Variants in MAP4 observed in about 807,000 individuals in gnomAD.
The protein encoded by MAP4 is microtubule associated protein 4, also known as microtubule-associated protein 4.
In MAP4, 76 loss-of-function variants were observed where a neutral mutation model predicts 170.2. The ratio of observed to expected loss-of-function variants is 0.45; its 90% CI spans 0.37 to 0.54. The LOEUF is 0.54. Ranked by LOEUF, MAP4 falls within the 20% of genes least tolerant of loss-of-function variation. The probability of loss-of-function intolerance (pLI) is 0.00; values close to 1 mark genes in which losing one functional copy is unlikely to be tolerated. For synonymous variants in MAP4, 909 were observed against 994.5 expected (o/e 0.91, Z 1.62); for missense variants, 2,506 against 2,748.0 (o/e 0.91, Z 1.97).
In MAP4 at chr3:47,875,961, C is replaced by A. The variant is rs1246605938; in HGVS notation, c.5542-61G>T. The A allele has an allele frequency of 2.7e-5, 33 of 1,216,822 alleles. No homozygotes were observed. The Admixed American group carries it at 3.4e-4, about 13-fold the overall frequency. 75.4% of individuals were successfully genotyped at this position (1,216,822 alleles called of 1,614,324 possible). On this transcript the variant is annotated intron_variant, in intron 11 of 20. Transcript: ENST00000683076. ...TTTTTAAAGGGCAACATCAAACAGA[C>A]AAGAATAAAAACAAATTAAAAAAAG...
intron 3 of MAP4, among the ~76,000 whole-genome samples, chr3:47,928,964 T>C (rs1228895610): frequency 6.6e-6 from 1 of 152,138 alleles, no homozygotes; most frequent in Non-Finnish European, 1.5e-5. Context: ...TTCCATAATT[T>C]ATATAAAAAT....
upstream of MAP4, among the ~76,000 whole-genome samples, chr3:48,019,894 A>T (rs1254506634): frequency 1.3e-5 from 2 of 152,206 alleles, no homozygotes; most frequent in African/African-American, 4.8e-5. Flanking sequence ...ATAGATAACA[A>T]AAGAAAAACT....
chr3:47,853,006 C>T (rs199693392), intron 20 of MAP4, 68 bp from the exon 21 acceptor site: 149 of 1,614,044 alleles, frequency 9.2e-5, no homozygotes, highest in Non-Finnish European at 1.2e-4. Context: ...ACGGGGGAGA[C>T]GGAAGACGAG....
chr3:47,897,785 A>AT (rs1369684199), intron 10 of MAP4, among the ~76,000 whole-genome samples: 7 of 151,710 alleles, frequency 4.6e-5, no homozygotes, highest in African/African-American at 1.7e-4. Context: ...AAAAAAAGAT[A>AT]CAAAAAATTA....
intron 12 of MAP4, among the ~76,000 whole-genome samples, chr3:47,873,730 T>C (rs977171803): frequency 8.5e-5 from 13 of 152,258 alleles, no homozygotes; most frequent in African/African-American, 3.1e-4. Context: ...AGATGCTCTC[T>C]GGGATGTGCA....
At chr3:47,870,031 C>T (rs4858867) in intron 15 of MAP4, among the ~76,000 whole-genome samples, 7,863 of 152,206 alleles carry the variant, frequency 0.052, 391 homozygotes, top group East Asian at 0.14. Flanking sequence ...TTCTTAACAG[C>T]TCCAGATTAA....
chr3:48,074,676 T>TTGTGTGTGTGTGTG lies in MAP4; in HGVS notation c.-20+14083_-20+14096dup, dbSNP rs555691222. On this transcript the variant is annotated intron_variant, in intron 1 of 18. Coordinates refer to the MAP4 transcript ENST00000360240. ...GGGGCAAGCCACCACATCCAGCTAA[T>TTGTGTGTGTGTGTG]TGTGTGTGTGTGTGTGTGTGTGTGT... Among the ~76,000 whole-genome samples, 862 of 90,522 alleles carry TTGTGTGTGTGTGTG rather than the reference T, an allele frequency of 9.5e-3. 33 individuals carry two copies. The highest frequency in any genetic ancestry group is 0.034 in the African/African-American group (697 of 20,408). 59.4% of individuals were successfully genotyped at this position (90,522 alleles called of 152,430 possible). A position where few individuals can be genotyped will look rare whatever the true frequency, so the allele number is the denominator to read the frequency against.
chr3:47,978,623 T>C (rs1285382256), intron 2 of MAP4, among the ~76,000 whole-genome samples: 3 of 152,122 alleles, frequency 2.0e-5, no homozygotes, highest in South Asian at 2.1e-4. Flanking sequence ...GCGGAGGCCA[T>C]TTATTAATTA....
intron 3 of MAP4, among the ~76,000 whole-genome samples, chr3:47,971,061 A>G (rs575854075): frequency 6.6e-6 from 1 of 152,334 alleles, no homozygotes; most frequent in East Asian, 1.9e-4. Context: ...TTCTGAAGAG[A>G]AATTCTGTAT....
chr3:47,988,239 A>T (rs1348107884), intron 2 of MAP4, among the ~76,000 whole-genome samples: 1 of 137,384 alleles, frequency 7.3e-6, no homozygotes, highest in Non-Finnish European at 1.6e-5. Context: ...GATGAGATGG[A>T]TGTGAGATTC....
At chr3:47,962,694 A>ATCT (rs1458527086) in intron 3 of MAP4, among the ~76,000 whole-genome samples, 1 of 152,080 alleles carries the variant, frequency 6.6e-6, no homozygotes, top group East Asian at 1.9e-4. Context: ...AAAAAATGAA[A>ATCT]GATGTTTAAC....
intron 3 of MAP4, among the ~76,000 whole-genome samples, chr3:47,930,297 T>C (rs1316654985): frequency 6.7e-6 from 1 of 148,276 alleles, no homozygotes; most frequent in Non-Finnish European, 1.5e-5. Context: ...TACAAAAAAT[T>C]AGCCGGGCGC....
intron 1 of MAP4, among the ~76,000 whole-genome samples, chr3:48,065,283 T>C (rs2100137801): frequency 6.6e-6 from 1 of 152,206 alleles, no homozygotes. Flanking sequence ...TCCTTACAAC[T>C]TAAAGTGTCA....
chr3:48,075,526 A>G (rs2100143410), intron 1 of MAP4, among the ~76,000 whole-genome samples: 1 of 151,710 alleles, frequency 6.6e-6, no homozygotes, highest in Non-Finnish European at 1.5e-5. Flanking sequence ...GACTGTCTCA[A>G]AAAAAAAGAA....
intron 3 of MAP4, among the ~76,000 whole-genome samples, chr3:47,945,813 G>A (rs889526941): frequency 3.3e-5 from 5 of 151,580 alleles, no homozygotes; most frequent in Middle Eastern, 3.4e-3. Context: ...TCAACCTCCT[G>A]GGCTCAAGTG....
At chr3:47,953,094 G>A (rs755807596) in intron 3 of MAP4, among the ~76,000 whole-genome samples, 11 of 152,072 alleles carry the variant, frequency 7.2e-5, no homozygotes, top group South Asian at 2.1e-4. Context: ...GGGGCAGGAG[G>A]GAATTGATAG....
intron 3 of MAP4, among the ~76,000 whole-genome samples, chr3:47,951,654 C>T (rs2100063986): frequency 6.6e-6 from 1 of 152,180 alleles, no homozygotes; most frequent in Non-Finnish European, 1.5e-5. Context: ...ACTCAGTGCT[C>T]AATGTTGCCC....
At position 47,998,886 on chromosome 3, in the gene MAP4, A is replaced by G. The variant is rs371750580; in HGVS notation, c.-19-7T>C. ...TCTGCACCACTGCAACTGCCTGGTG[A>G]AGAGGAAAAAGATCTTTCATGTAAC... On this transcript the variant is annotated splice_region_variant and splice_polypyrimidine_tract_variant and intron_variant, in intron 1 of 20. Transcript: ENST00000683076. 4 of 1,461,202 alleles carry G rather than the reference A, an allele frequency of 2.7e-6. No homozygotes were observed. The highest frequency in any genetic ancestry group is 3.8e-6 in the Non-Finnish European group (4 of 1,041,100). The allele number at this position is 1,461,202 out of a possible 1,614,324, so 90.5% of individuals were successfully genotyped here. A position where few individuals can be genotyped will look rare whatever the true frequency, so the allele number is the denominator to read the frequency against.
intron 1 of MAP4, among the ~76,000 whole-genome samples, chr3:48,064,173 G>A (rs781312067): frequency 1.3e-5 from 2 of 152,104 alleles, no homozygotes; most frequent in African/African-American, 4.8e-5. Flanking sequence ...CATGGTTTAG[G>A]AGTCATGCAG....
Sources: gnomAD v4.1 joint callset for allele counts (sites outside exome capture counted in the v4.1 genomes callset) on GRCh38, gnomAD v4.1.1 for gene constraint, MANE v1.5 for transcripts, NCBI Gene and HGNC (gene_info 2026-07-23, HGNC 2026-07-21) for gene names.